The following MOBP variants were observed in gnomAD, a reference collection of about 807,000 sequenced individuals.
MOBP encodes the protein myelin associated oligodendrocyte basic protein.
A neutral mutation model predicts 15.0 loss-of-function variants in MOBP; 5 were observed. That is an observed-to-expected ratio of 0.33 (90% CI 0.17 to 0.70). The LOEUF (loss-of-function observed/expected upper bound fraction) is 0.70. Among genes scored for constraint, MOBP ranks in the 30% least tolerant of loss-of-function variants. The pLI is 0.67. For synonymous variants in MOBP, 88 were observed against 99.0 expected (o/e 0.89, Z 0.66); for missense variants, 188 against 257.8 (o/e 0.73, Z 1.85).
intron 4 of MOBP, among the ~76,000 whole-genome samples, chr3:39,511,070 G>A (rs2043113708): frequency 6.6e-6 from 1 of 152,208 alleles, no homozygotes; most frequent in African/African-American, 2.4e-5. Context: ...TTCTTTGGAT[G>A]TAAAAAATCA....
intron 1 of MOBP, among the ~76,000 whole-genome samples, chr3:39,479,293 A>G (rs1768205): frequency 0.026 from 3,945 of 152,204 alleles, 169 homozygotes; most frequent in African/African-American, 0.089. Context: ...TTACATCCTT[A>G]TTACTAGAAT....
intron 2 of MOBP, among the ~76,000 whole-genome samples, chr3:39,494,054 G>A (rs990182639): frequency 5.3e-5 from 8 of 152,154 alleles, no homozygotes; most frequent in Non-Finnish European, 1.0e-4. Flanking sequence ...TGGTCACATG[G>A]GGGAATTATA....
Position 39,502,996 on chromosome 3 carries a change from A to AG in MOBP, c.*117dup. The AG allele has an allele frequency of 1.7e-6, 1 of 586,368 alleles. No individual in the cohort carries two copies. The highest frequency in any genetic ancestry group is 3.0e-6 in the Non-Finnish European group (1 of 336,434). 36.3% of individuals were successfully genotyped at this position (586,368 alleles called of 1,614,324 possible). A position where few individuals can be genotyped will look rare whatever the true frequency, so the allele number is the denominator to read the frequency against. ...GCCTTATTACCCAACCTGTGTAATC[A>AG]GCTCCCTCCATTAAATCCCCTCTGT... On this transcript the variant is annotated 3_prime_UTR_variant, in exon 4 of 4. Coordinates refer to ENST00000684792, the MANE Select transcript of MOBP (RefSeq NM_001393704.1). This position sits in a 1 kb window ranked among gnomAD's most constrained non-coding sequence, Gnocchi z 6.3.
intron 2 of MOBP, among the ~76,000 whole-genome samples, chr3:39,497,651 A>G (rs1428826767): frequency 1.0e-4 from 16 of 152,390 alleles, no homozygotes; most frequent in Middle Eastern, 3.4e-3. Flanking sequence ...ATGCCACATT[A>G]AAAAATGAGA....
intron 4 of MOBP, among the ~76,000 whole-genome samples, chr3:39,509,970 C>G (rs898512470): frequency 5.3e-5 from 8 of 151,876 alleles, no homozygotes; most frequent in African/African-American, 1.9e-4. Context: ...ACAGTATTAT[C>G]CATTTTAAGT....
intron 2 of MOBP, among the ~76,000 whole-genome samples, chr3:39,487,807 C>T (rs1011800051): frequency 2.6e-5 from 4 of 152,044 alleles, no homozygotes; most frequent in Non-Finnish European, 5.9e-5. Context: ...CAGGTGTGAG[C>T]CACCGCGCCC....
At chr3:39,528,583 G>A (rs763229217), downstream of MOBP, 12 of 152,344 alleles carry the variant, frequency 7.9e-5, no homozygotes, top group Middle Eastern at 3.4e-3. Context: ...AATTATGTGA[G>A]GTCTACATTT....
chr3:39,516,341 C>T (rs1014379880), downstream of MOBP, among the ~76,000 whole-genome samples: 2 of 152,074 alleles, frequency 1.3e-5, no homozygotes, highest in Non-Finnish European at 2.9e-5. Context: ...ATGGAGCCAG[C>T]AGCTGAGGAG....
downstream of MOBP, among the ~76,000 whole-genome samples, chr3:39,503,804 C>G (rs1013541829): frequency 2.0e-5 from 3 of 152,052 alleles, no homozygotes; most frequent in African/African-American, 7.3e-5. Flanking sequence ...TACTCTGATA[C>G]CCAGCACTTG....
In MOBP at chr3:39,508,551, A is replaced by ATTT. The variant is rs10681564; in HGVS notation, c.*-4818_*-4816dup. 4.9e-3 allele frequency among the ~76,000 whole-genome samples: 657 copies of ATTT among 135,238 alleles called. 17 individuals carry two copies. The highest frequency in any genetic ancestry group is 0.019 in the Middle Eastern group (5 of 266). 88.7% of individuals were successfully genotyped at this position (135,238 alleles called of 152,430 possible). A position where few individuals can be genotyped will look rare whatever the true frequency, so the allele number is the denominator to read the frequency against. On this transcript the variant is annotated intron_variant, in intron 4 of 4. Coordinates refer to the MOBP transcript ENST00000311042. ...TAGTGCTTTTGAACCATATTGTTGC[A>ATTT]TTTTTTTTTTTTTTTTGAGACGGAG...
At chr3:39,487,494 G>GTCATTCTT (rs1553617707) in intron 2 of MOBP, among the ~76,000 whole-genome samples, 1 of 142,000 alleles carries the variant, frequency 7.0e-6, no homozygotes. Flanking sequence ...GAAAAGTCCT[G>GTCATTCTT]TCATTCTTTT....
intron 2 of MOBP, among the ~76,000 whole-genome samples, chr3:39,482,330 C>G (rs1052527548): frequency 5.9e-5 from 9 of 152,138 alleles, no homozygotes; most frequent in Non-Finnish European, 1.0e-4. Context: ...AACAATTTTC[C>G]TCAAAGCTAT....
chr3:39,519,131 A>G (rs948378594), downstream of MOBP, among the ~76,000 whole-genome samples: 4 of 152,122 alleles, frequency 2.6e-5, no homozygotes, highest in African/African-American at 4.8e-5. Context: ...GGAAGAAGAA[A>G]AAGCCTGGTA....
chr3:39,512,286 G>A (rs911764338), intron 4 of MOBP, among the ~76,000 whole-genome samples: 4 of 152,128 alleles, frequency 2.6e-5, no homozygotes, highest in Admixed American at 6.5e-5. Context: ...TGATGCCTGG[G>A]ATCTGTGGGC....
intron 1 of MOBP, among the ~76,000 whole-genome samples, chr3:39,473,444 ATG>A (rs1312377964): frequency 3.9e-5 from 6 of 152,176 alleles, no homozygotes; most frequent in South Asian, 4.1e-4. Flanking sequence ...GTTGGGAGAA[ATG>A]GTCTAGGCAG....
chr3:39,519,958 TG>T (rs1291168841), downstream of MOBP, among the ~76,000 whole-genome samples: 19 of 130,838 alleles, frequency 1.5e-4, no homozygotes, highest in Non-Finnish European at 2.8e-4. Context: ...TCATGACATC[TG>T]TTTTTTTTTT....
chr3:39,486,804 C>T (rs493794), intron 2 of MOBP, among the ~76,000 whole-genome samples: 45,162 of 151,698 alleles, frequency 0.3, 9,047 homozygotes, highest in African/African-American at 0.57. Context: ...TTGTTTTTTC[C>T]TAATGATTTG....
At chr3:39,506,785 G>T (rs2043054029), downstream of MOBP, among the ~76,000 whole-genome samples, 1 of 152,212 alleles carries the variant, frequency 6.6e-6, no homozygotes, top group African/African-American at 2.4e-5. Flanking sequence ...AGAGTGGTAA[G>T]GGCAAGGGGT....
chr3:39,480,631 C>G (rs1169170521), intron 2 of MOBP, among the ~76,000 whole-genome samples: 1 of 152,226 alleles, frequency 6.6e-6, no homozygotes, highest in East Asian at 1.9e-4. Context: ...CCTTCACCCT[C>G]TAGTTAAACC....
Sources: gnomAD v4.1 joint callset for allele counts (sites outside exome capture counted in the v4.1 genomes callset) on GRCh38, gnomAD v4.1.1 for gene constraint, Gnocchi (gnomAD v3.1) non-coding constraint, MANE v1.5 for transcripts, NCBI Gene and HGNC (gene_info 2026-07-23, HGNC 2026-07-21) for gene names.